UBXN4: variants seen among roughly 807,000 people sequenced by gnomAD.
UBXN4 encodes UBX domain-containing protein 4.
A neutral mutation model predicts 66.2 loss-of-function variants in UBXN4; 35 were observed. The ratio of observed to expected loss-of-function variants is 0.53; its 90% CI spans 0.40 to 0.70. The LOEUF (loss-of-function observed/expected upper bound fraction) is 0.70. UBXN4 is among the 30% of genes least tolerant of loss of function. UBXN4 has a pLI of 0.00. For synonymous variants in UBXN4, 203 were observed against 204.5 expected (o/e 0.99, Z 0.06); for missense variants, 533 against 599.8 (o/e 0.89, Z 1.16).
chr2:135,780,358 C>G lies in UBXN4; in HGVS notation c.1361C>G (p.Pro454Arg), dbSNP rs772024456. The G allele has an allele frequency of 8.7e-6, 14 of 1,614,164 alleles. No homozygotes were observed. The highest frequency in any genetic ancestry group is 1.1e-5 in the Non-Finnish European group (13 of 1,180,004). Residue 454 changes from proline to arginine, a missense_variant, in exon 12 of 13, where the codon CCT (proline) becomes CGT (arginine). This residue lies in a region of UBXN4 where 529 missense variants were observed against 580.1 expected (regional missense o/e 0.91). Coordinates refer to ENST00000272638, the MANE Select transcript of UBXN4 (RefSeq NM_014607.4). ...GTAACATCGTCAGAACCCCCAAACC[C>G]TGCATCATCTAGCAAATCAGAAAAA... ...VRVTSSEPPNPASSSKSEKRE... is the reference protein window; with the variant it reads ...VRVTSSEPPNRASSSKSEKRE...
chr2:135,746,956 G>A (rs1366206917), intron 1 of UBXN4, among the ~76,000 whole-genome samples: 1 of 152,054 alleles, frequency 6.6e-6, no homozygotes, highest in Non-Finnish European at 1.5e-5. Context: ...CTTTTACTAG[G>A]CTTCCAGGTG....
At chr2:135,749,660 A>G (rs1004162250) in intron 2 of UBXN4, among the ~76,000 whole-genome samples, 9 of 151,920 alleles carry the variant, frequency 5.9e-5, no homozygotes, top group African/African-American at 1.9e-4. Context: ...AAGCATAACT[A>G]TAATATTAAT....
At chr2:135,750,092 C>A (rs2077232571) in intron 2 of UBXN4, among the ~76,000 whole-genome samples, 1 of 152,156 alleles carries the variant, frequency 6.6e-6, no homozygotes, top group Admixed American at 6.5e-5. Flanking sequence ...CCTGTTTTCT[C>A]TCTTTATGAT....
intron 6 of UBXN4, among the ~76,000 whole-genome samples, chr2:135,764,025 G>A (rs62170080): frequency 0.089 from 13,538 of 152,036 alleles, 946 homozygotes; most frequent in South Asian, 0.23. Flanking sequence ...TCAGGAGGTT[G>A]AGGCAGGAAA....
chr2:135,776,160 C>T, intron 9 of UBXN4, 89 bp from the exon 10 acceptor site: 1 of 1,066,546 alleles, frequency 9.4e-7, no homozygotes, highest in South Asian at 1.5e-5. Context: ...TGTCATTGCA[C>T]ATTTCCACTT....
At chr2:135,774,748 A>C (rs1037329969) in intron 9 of UBXN4, among the ~76,000 whole-genome samples, 1 of 152,058 alleles carries the variant, frequency 6.6e-6, no homozygotes, top group Non-Finnish European at 1.5e-5. Context: ...AGGAGGCTGA[A>C]GCATGAGAAT....
chr2:135,767,122 A>G, intron 6 of UBXN4, among the ~76,000 whole-genome samples: 1 of 152,180 alleles, frequency 6.6e-6, no homozygotes, highest in East Asian at 1.9e-4. Context: ...GCACTTTGGG[A>G]GGCCAAGGTG....
At chr2:135,777,644 T>G (rs1486017262) in intron 10 of UBXN4, among the ~76,000 whole-genome samples, 1 of 152,078 alleles carries the variant, frequency 6.6e-6, no homozygotes, top group Admixed American at 6.6e-5. Context: ...CCCAGCATTT[T>G]GGGAGGCCGA....
At chr2:135,743,345 G>A (rs1462967398) in intron 1 of UBXN4, among the ~76,000 whole-genome samples, 1 of 152,048 alleles carries the variant, frequency 6.6e-6, no homozygotes, top group Non-Finnish European at 1.5e-5. Flanking sequence ...ATCCCGTAAG[G>A]AAAAAAATGG....
intron 3 of UBXN4, 34 bp downstream of exon 3, chr2:135,753,601 A>G: frequency 6.9e-7 from 1 of 1,443,938 alleles, no homozygotes; most frequent in African/African-American, 1.5e-5. Context: ...TTATATATAT[A>G]CATTTATTTA....
intron 6 of UBXN4, among the ~76,000 whole-genome samples, chr2:135,766,296 A>G (rs2077347308): frequency 6.6e-6 from 1 of 152,246 alleles, no homozygotes; most frequent in Admixed American, 6.5e-5. Context: ...CAGATGGTCT[A>G]TAAATACGTT....
At chr2:135,754,353 G>A (rs896019256) in intron 4 of UBXN4, 76 bp downstream of exon 4, 11 of 1,153,346 alleles carry the variant, frequency 9.5e-6, no homozygotes, top group Middle Eastern at 2.1e-4. Context: ...ATGGAGTCTC[G>A]TTCTGTCGCC....
At chr2:135,764,066 G>A (rs898198616) in intron 6 of UBXN4, among the ~76,000 whole-genome samples, 6 of 152,128 alleles carry the variant, frequency 3.9e-5, no homozygotes, top group African/African-American at 4.8e-5. Flanking sequence ...AGAGGTTGCA[G>A]TGAGCCAAGG....
rs1336593127 is a variant in UBXN4, at chr2:135,784,542, T to C, written c.*1655T>C. The C allele has an allele frequency of 6.6e-6, 1 of 152,552 alleles. No individual in the cohort carries two copies. The highest frequency in any genetic ancestry group is 1.5e-5 in the Non-Finnish European group (1 of 68,032). 9.4% of individuals were successfully genotyped at this position (152,552 alleles called of 1,614,324 possible). On this transcript the variant is annotated 3_prime_UTR_variant, in exon 13 of 13. Transcript: ENST00000272638. ...TTTAGTGGTATTTTTGGCACCCTTA[T>C]ATATGTTTTCCAAACTTTCAGCAGT...
chr2:135,761,140 G>A (rs941351946), intron 5 of UBXN4, among the ~76,000 whole-genome samples: 7 of 152,180 alleles, frequency 4.6e-5, no homozygotes, highest in South Asian at 2.1e-4. Flanking sequence ...GTCCTTGTTC[G>A]CCAAAGACTG....
chr2:135,754,352 C>G (rs1356252569), intron 4 of UBXN4, 75 bp downstream of exon 4: 2 of 1,153,424 alleles, frequency 1.7e-6, no homozygotes, highest in East Asian at 2.4e-5. Context: ...GATGGAGTCT[C>G]GTTCTGTCGC....
intron 2 of UBXN4, among the ~76,000 whole-genome samples, chr2:135,750,500 C>T (rs1012525084): frequency 1.3e-5 from 2 of 151,152 alleles, no homozygotes; most frequent in African/African-American, 2.4e-5. Flanking sequence ...AGCAAGACTC[C>T]GTCTCAAAAA....
chr2:135,748,397 A>C, intron 2 of UBXN4, 28 bp downstream of exon 2: 1 of 1,455,664 alleles, frequency 6.9e-7, no homozygotes, highest in Non-Finnish European at 9.2e-7. Context: ...TATTTTATTA[A>C]TTTTAAAATT....
At position 135,761,859 on chromosome 2, in the gene UBXN4, A is replaced by G; in HGVS notation, c.550A>G (p.Ser184Gly). ...AGHATSSQEP[S>G]GCSDQRPAED... ...CCATGCCACTTCCTCTCAGGAGCCT[A>G]GTGGATGCTCAGATCAGAGACCTGC... The change falls in exon 6 of 13, where the codon AGT becomes GGT. Residue 184 changes from serine to glycine, a missense_variant. Physicochemically the swap from Ser to Gly is moderately conservative, Grantham distance 56 (BLOSUM62 0). This residue lies in a region of UBXN4 where 529 missense variants were observed against 580.1 expected (regional missense o/e 0.91). Transcript: ENST00000272638. 1.2e-6 allele frequency: 2 copies of G among 1,613,708 alleles called. No homozygotes were observed. Among genetic ancestry groups the G allele is most frequent in the Non-Finnish European group, 1.7e-6 (2 of 1,179,894 alleles).
Sources: allele counts gnomAD v4.1 joint callset (sites outside exome capture counted in the v4.1 genomes callset), GRCh38; gene constraint gnomAD v4.1.1; regional missense constraint gnomAD v4.1.1; transcripts MANE v1.5; gene names NCBI Gene and HGNC (gene_info 2026-07-23, HGNC 2026-07-21).